Variants in GRIK4 observed in about 807,000 individuals in gnomAD.
GRIK4 encodes glutamate receptor ionotropic, kainate 4.
Under a neutral mutation model 104.9 loss-of-function variants are expected in GRIK4, and 40 were observed. That is an observed-to-expected ratio of 0.38 (90% confidence interval 0.30 to 0.50). The LOEUF (loss-of-function observed/expected upper bound fraction) is 0.50. Ranked by LOEUF, GRIK4 falls within the 20% of genes least tolerant of loss-of-function variation. GRIK4 has a pLI of 0.93. For synonymous variants in GRIK4, 485 were observed against 524.9 expected (o/e 0.92, Z 1.04); for missense variants, 1,047 against 1,308.1 (o/e 0.80, Z 3.08).
At chr11:120,631,454 G>T (rs1210531462) in intron 1 of GRIK4, among the ~76,000 whole-genome samples, 1 of 152,164 alleles carries the variant, frequency 6.6e-6, no homozygotes, top group African/African-American at 2.4e-5. Context: ...CAGTGTAGGT[G>T]GTTGTGTCAT....
chr11:120,651,964 G>A (rs933254139), intron 1 of GRIK4, among the ~76,000 whole-genome samples: 6 of 152,138 alleles, frequency 3.9e-5, no homozygotes, highest in African/African-American at 1.2e-4. Flanking sequence ...GGACATGCAG[G>A]GAAGGTGGGT....
In GRIK4 at chr11:120,574,175, C is replaced by T. The variant is rs543479199; in HGVS notation, c.-159+62288C>T. On this transcript the variant is annotated intron_variant, in intron 1 of 20. Transcript: ENST00000527524. ...CACGTGCCAGGTGCGTGGTGGGGCT[C>T]TGTCATGCTGGTTGAATTGAGCAGT... is the stretch of plus-strand genomic sequence containing the variant. 2.0e-5 allele frequency among the ~76,000 whole-genome samples: 3 copies of T among 152,306 alleles called. No individual in the cohort carries two copies. In the South Asian group the frequency reaches 6.2e-4, roughly 32 times the overall value.
At chr11:120,516,917 G>GGCT (rs1351829597) in intron 1 of GRIK4, among the ~76,000 whole-genome samples, 4 of 151,912 alleles carry the variant, frequency 2.6e-5, no homozygotes, top group Non-Finnish European at 5.9e-5. Context: ...CCTGGGCGGC[G>GGCT]GCTGCTGCGT....
At chr11:120,951,614 A>G (rs1944002809) in intron 14 of GRIK4, among the ~76,000 whole-genome samples, 1 of 152,196 alleles carries the variant, frequency 6.6e-6, no homozygotes, top group African/African-American at 2.4e-5. Context: ...GCATCATAGA[A>G]TCATAGCGTT....
intron 3 of GRIK4, among the ~76,000 whole-genome samples, chr11:120,737,032 G>A (rs1951236960): frequency 6.6e-6 from 1 of 152,154 alleles, no homozygotes; most frequent in Admixed American, 6.5e-5. Context: ...GACAACTTGA[G>A]CTTTAATAAG....
intron 1 of GRIK4, among the ~76,000 whole-genome samples, chr11:120,572,642 T>C (rs1169478465): frequency 6.6e-6 from 1 of 152,098 alleles, no homozygotes; most frequent in East Asian, 1.9e-4. Flanking sequence ...GTTTTCCAGG[T>C]AGAGTGGGAG....
intron 8 of GRIK4, among the ~76,000 whole-genome samples, chr11:120,840,497 A>G (rs1298932840): frequency 6.6e-6 from 1 of 152,130 alleles, no homozygotes; most frequent in Non-Finnish European, 1.5e-5. Flanking sequence ...TCTGGGGCAG[A>G]GGGTCAGCTT....
rs1337767161 is a variant in GRIK4 at position 120,953,592 on chromosome 11, A to T, written c.1700+628A>T. ...CGTTTTCAAGAAGTGCTGAGTTGAG[A>T]CGCACGGGCCAGACCAGGGAGGGGG... On this transcript the variant is annotated intron_variant, in intron 15 of 20. Coordinates refer to ENST00000527524, the MANE Select transcript of GRIK4 (RefSeq NM_014619.5). The surrounding 1 kb of genome is among the most constrained non-coding windows in gnomAD (Gnocchi z 4.9). 6.6e-6 allele frequency among the ~76,000 whole-genome samples: 1 copy of T among 151,986 alleles called. No individual in the cohort carries two copies.
At chr11:120,753,307 G>GTGTGTGTGTGTGTA (rs148725613) in intron 3 of GRIK4, among the ~76,000 whole-genome samples, 6 of 101,814 alleles carry the variant, frequency 5.9e-5, no homozygotes, top group Middle Eastern at 4.3e-3. Flanking sequence ...CTGTGTGTGT[G>GTGTGTGTGTGTGTA]TGTGTGTGTG....
intron 1 of GRIK4, among the ~76,000 whole-genome samples, chr11:120,544,179 T>C (rs1341901830): frequency 6.6e-6 from 1 of 152,206 alleles, no homozygotes; most frequent in African/African-American, 2.4e-5. Flanking sequence ...TGAGAGAAAC[T>C]GTGGGAGCTG....
intron 3 of GRIK4, among the ~76,000 whole-genome samples, chr11:120,699,377 C>A (rs937236167): frequency 1.3e-5 from 2 of 152,348 alleles, no homozygotes; most frequent in South Asian, 4.1e-4. Flanking sequence ...CAAACCAAGT[C>A]TTTAGTTCCA....
At chr11:120,862,515 G>C (rs937531145) in intron 9 of GRIK4, among the ~76,000 whole-genome samples, 3 of 152,184 alleles carry the variant, frequency 2.0e-5, no homozygotes, top group Non-Finnish European at 4.4e-5. Flanking sequence ...GGGATGTGGA[G>C]TGGGGATGTG....
intron 16 of GRIK4, among the ~76,000 whole-genome samples, chr11:120,960,200 A>G (rs147730013): frequency 4.6e-5 from 7 of 152,292 alleles, no homozygotes; most frequent in African/African-American, 1.7e-4. Flanking sequence ...ATGGTGGTGC[A>G]TGCCTATAGT....
chr11:120,537,569 C>T (rs975164948), intron 1 of GRIK4, among the ~76,000 whole-genome samples: 3 of 152,166 alleles, frequency 2.0e-5, no homozygotes, highest in Non-Finnish European at 2.9e-5. Flanking sequence ...AGCAAACACA[C>T]ATGTCTCCTG....
Position 120,738,074 on chromosome 11 carries a change from G to A in GRIK4, c.83-64619G>A, listed in dbSNP as rs528866114. Among the ~76,000 whole-genome samples, 100 of 66,956 alleles carry A rather than the reference G, an allele frequency of 1.5e-3. 2 individuals carry two copies. The South Asian group carries it at 0.062, about 41-fold the overall frequency. The allele number at this position is 66,956 out of a possible 152,430, so 43.9% of individuals were successfully genotyped here. On this transcript the variant is annotated intron_variant, in intron 3 of 20. Transcript: ENST00000527524. ...CTTGGGGGCACTCCAATGTTTGAACGTCTGGTAAGAGGAGATTGAGAGGGA... is the reference window on the plus strand; with the variant it reads ...CTTGGGGGCACTCCAATGTTTGAACATCTGGTAAGAGGAGATTGAGAGGGA...
chr11:120,739,296 A>G (rs1951284768), intron 3 of GRIK4, among the ~76,000 whole-genome samples: 1 of 152,232 alleles, frequency 6.6e-6, no homozygotes, highest in Admixed American at 6.5e-5. Context: ...TAAAATGCTT[A>G]GAGCAGTGCT....
At chr11:120,941,770 G>C (rs1332108033) in intron 14 of GRIK4, among the ~76,000 whole-genome samples, 1 of 152,078 alleles carries the variant, frequency 6.6e-6, no homozygotes, top group Non-Finnish European at 1.5e-5. Flanking sequence ...AAAGCTAGAG[G>C]AGACAAGGAA....
At chr11:120,800,204 T>A (rs1952597231) in intron 3 of GRIK4, among the ~76,000 whole-genome samples, 1 of 152,090 alleles carries the variant, frequency 6.6e-6, no homozygotes, top group Non-Finnish European at 1.5e-5. Flanking sequence ...AACTCTTAGG[T>A]GGAACCCCAA....
rs1463389337 is a variant in GRIK4 at position 120,917,269 on chromosome 11, A to AAAAAAAG, written c.1476+11779_1476+11780insAAAGAAA. Among the ~76,000 whole-genome samples, 254 of 138,246 alleles carry AAAAAAAG rather than the reference A, an allele frequency of 1.8e-3. 2 individuals are homozygous for AAAAAAAG. The highest frequency in any genetic ancestry group is 2.8e-3 in the Non-Finnish European group (183 of 66,214). 90.7% of individuals were successfully genotyped at this position (138,246 alleles called of 152,430 possible). On this transcript the variant is annotated intron_variant, in intron 13 of 20. Coordinates refer to ENST00000527524, the MANE Select transcript of GRIK4 (RefSeq NM_014619.5). The stretch of plus-strand genomic sequence containing the variant: ...TCTCAAAAAAAAAAAAAAAAAAAAA[A>AAAAAAAG]AAAGAAAGAAAGAAAGAAAGAAAGA...
Sources: allele counts gnomAD v4.1 joint callset (sites outside exome capture counted in the v4.1 genomes callset), GRCh38; gene constraint gnomAD v4.1.1; non-coding constraint Gnocchi (gnomAD v3.1); transcripts MANE v1.5; gene names NCBI Gene and HGNC (gene_info 2026-07-23, HGNC 2026-07-21).